Variants in FBN3 observed in about 807,000 individuals in gnomAD.
The protein encoded by FBN3 is fibrillin 3.
In FBN3, 234 loss-of-function variants were observed where a neutral mutation model predicts 330.1. The ratio of observed to expected loss-of-function variants is 0.71; its 90% CI spans 0.64 to 0.79. The LOEUF is 0.79. Ranked by LOEUF, FBN3 falls within the 30% of genes least tolerant of loss-of-function variation. FBN3 has a pLI of 0.00. For missense variants in FBN3, 3,606 were observed against 3,886.9 expected, an observed-to-expected ratio of 0.93 and a Z score of 1.92; for synonymous variants, 1,458 against 1,517.3, an observed-to-expected ratio of 0.96 and a Z score of 0.91.
intron 26 of FBN3, among the ~76,000 whole-genome samples, chr19:8,117,979 C>T (rs1383781842): frequency 6.6e-6 from 1 of 151,990 alleles, no homozygotes; most frequent in Admixed American, 6.6e-5. Flanking sequence ...TGTGTAAATA[C>T]ACATCCACAC....
intron 29 of FBN3, among the ~76,000 whole-genome samples, 187 bp downstream of exon 29, chr19:8,116,487 C>T (rs1398186576): frequency 3.3e-5 from 5 of 152,182 alleles, no homozygotes; most frequent in Non-Finnish European, 5.9e-5. Context: ...GGAGAGCAGA[C>T]TTGGGGTGCT....
intron 30 of FBN3, among the ~76,000 whole-genome samples, chr19:8,115,181 T>C (rs1051204554): frequency 1.3e-5 from 2 of 152,142 alleles, no homozygotes; most frequent in African/African-American, 4.8e-5. Flanking sequence ...AAGCCACCAA[T>C]TGTGTGATCA....
At chr19:8,074,453 G>A (rs2081592803) in intron 61 of FBN3, among the ~76,000 whole-genome samples, 1 of 152,156 alleles carries the variant, frequency 6.6e-6, no homozygotes. Flanking sequence ...GGAGCCTGAA[G>A]GGGCAGACTG....
intron 26 of FBN3, among the ~76,000 whole-genome samples, 153 bp from the exon 27 acceptor site, chr19:8,117,742 T>C (rs1338584235): frequency 6.6e-6 from 1 of 151,914 alleles, no homozygotes; most frequent in Non-Finnish European, 1.5e-5. Context: ...TTGCATTCAC[T>C]CACATGCAAA....
intron 55 of FBN3, 96 bp downstream of exon 55, chr19:8,086,104 G>T: frequency 5.4e-6 from 3 of 557,414 alleles, no homozygotes; most frequent in Non-Finnish European, 8.1e-6. Flanking sequence ...GAGTGAAGGG[G>T]GCAGGCAGTG....
intron 47 of FBN3, 33 bp from the exon 48 acceptor site, chr19:8,091,623 G>C (rs763573385): frequency 8.1e-6 from 13 of 1,610,490 alleles, no homozygotes; most frequent in African/African-American, 1.3e-5. Flanking sequence ...TGGGTGGGGG[G>C]CAAGTAGGAC....
chr19:8,081,322 A>C (rs1431464258), intron 58 of FBN3, 36 bp downstream of exon 58: 2 of 1,572,994 alleles, frequency 1.3e-6, no homozygotes, highest in East Asian at 4.5e-5. Context: ...GACTGCATGC[A>C]GTGGTGGGAG....
intron 25 of FBN3, 136 bp from the exon 26 acceptor site, chr19:8,119,158 C>T: frequency 4.6e-6 from 5 of 1,086,546 alleles, no homozygotes; most frequent in Non-Finnish European, 5.1e-6. Context: ...AGCCTGGAGG[C>T]TCCGGGTTGG....
chr19:8,144,002 G>A (rs982303620), intron 6 of FBN3, among the ~76,000 whole-genome samples: 2 of 151,570 alleles, frequency 1.3e-5, no homozygotes, highest in Non-Finnish European at 2.9e-5. Context: ...GAGGGGGGGT[G>A]TCTCACTATG....
chr19:8,112,930 C>A (rs2082623466), intron 30 of FBN3, among the ~76,000 whole-genome samples: 1 of 152,218 alleles, frequency 6.6e-6, no homozygotes, highest in African/African-American at 2.4e-5. Context: ...TTATGTAACA[C>A]TTGTTTCTAA....
chr19:8,069,228 C>T (rs1319867254), intron 63 of FBN3, among the ~76,000 whole-genome samples: 1 of 152,102 alleles, frequency 6.6e-6, no homozygotes, highest in African/African-American at 2.4e-5. Context: ...CCTTGTGTGC[C>T]AATGACAAAC....
At chr19:8,097,184 C>T (rs898436337) in intron 42 of FBN3, 105 bp downstream of exon 42, 2 of 1,484,936 alleles carry the variant, frequency 1.3e-6, no homozygotes, top group Admixed American at 2.0e-5. Flanking sequence ...ATTATACATA[C>T]AGGGAAATGG....
rs568102686 is a variant in FBN3 at position 8,076,191 on chromosome 19, G to GA, written c.7454-781dup. Among the ~76,000 whole-genome samples, 286 of 148,294 alleles carry GA rather than the reference G, an allele frequency of 1.9e-3. 1 individual carries two copies. Among genetic ancestry groups the GA allele is most frequent in the African/African-American group, 4.1e-3 (166 of 40,038 alleles). ...CTTGAACTGCCCAGCTTCCAGAATG[G>GA]AAAAAAAAATAAATCTCTGTAGTTT... On this transcript the variant is annotated intron_variant, in intron 59 of 63. Coordinates refer to ENST00000600128, the MANE Select transcript of FBN3 (RefSeq NM_032447.5).
chr19:8,071,874 G>T (rs2081520483), intron 63 of FBN3, among the ~76,000 whole-genome samples, 174 bp downstream of exon 63: 1 of 152,054 alleles, frequency 6.6e-6, no homozygotes, highest in Admixed American at 6.5e-5. Flanking sequence ...AAATCCCAGG[G>T]CTGAGAAAGC....
chr19:8,119,088 C>T lies in FBN3; in HGVS notation c.3212-66G>A. ...CTGATGCAGGGAGGGGGTGATGAGGCTCATGCTGGCTTCTCTCCGCCACCT... is the reference window on the plus strand; with the variant it reads ...CTGATGCAGGGAGGGGGTGATGAGGTTCATGCTGGCTTCTCTCCGCCACCT... On this transcript the variant is annotated intron_variant, in intron 25 of 63. Coordinates refer to ENST00000600128, the MANE Select transcript of FBN3 (RefSeq NM_032447.5). 5 of 1,521,434 alleles carry T rather than the reference C, an allele frequency of 3.3e-6. No individual in the cohort carries two copies. In the South Asian group the frequency reaches 6.2e-5, roughly 19 times the overall value. The allele number at this position is 1,521,434 out of a possible 1,614,324, so 94.2% of individuals were successfully genotyped here. A position where few individuals can be genotyped will look rare whatever the true frequency, so the allele number is the denominator to read the frequency against.
intron 1 of FBN3, 36 bp from the exon 2 acceptor site, chr19:8,147,533 C>A: frequency 7.1e-7 from 1 of 1,405,416 alleles, no homozygotes; most frequent in Non-Finnish European, 9.3e-7. Context: ...CTAGATGAGC[C>A]CCCCACCCTA....
At position 8,111,651 on chromosome 19, in the gene FBN3, CGCAGAA is replaced by C; in HGVS notation, c.4075_4080del (p.Phe1359_Cys1360del). 7.7e-7 allele frequency: 1 copy of C among 1,302,854 alleles called. No individual in the cohort carries two copies. Among genetic ancestry groups the C allele is most frequent in the Non-Finnish European group, 1.1e-6 (1 of 934,334 alleles). The allele number at this position is 1,302,854 out of a possible 1,614,324, so 80.7% of individuals were successfully genotyped here. ...CCTCCCACCCCTCTAATCTCACCTTCGCAGAAGAAGCCATCCCCGGCAAAGCCCTGG... is the reference window on the plus strand; with the variant it reads ...CCTCCCACCCCTCTAATCTCACCTTCGAAGCCATCCCCGGCAAAGCCCTGG... On this transcript the variant is annotated inframe_deletion, in exon 32 of 64. Coordinates refer to ENST00000600128, the MANE Select transcript of FBN3 (RefSeq NM_032447.5).
At chr19:8,117,634 C>T (rs750633805) in intron 26 of FBN3, 45 bp from the exon 27 acceptor site, 6 of 1,491,826 alleles carry the variant, frequency 4.0e-6, no homozygotes, top group African/African-American at 1.4e-5. Flanking sequence ...CCCCATCTGC[C>T]GTCTGTGTGA....
chr19:8,076,108 G>A (rs1040301961), intron 59 of FBN3, among the ~76,000 whole-genome samples: 4 of 152,106 alleles, frequency 2.6e-5, no homozygotes, highest in African/African-American at 9.7e-5. Flanking sequence ...GCAAAAAGGT[G>A]GCTGTCTGCA....
Sources: allele counts gnomAD v4.1 joint callset (sites outside exome capture counted in the v4.1 genomes callset), GRCh38; gene constraint gnomAD v4.1.1; transcripts MANE v1.5; gene names NCBI Gene and HGNC (gene_info 2026-07-23, HGNC 2026-07-21).